The following CADPS variants were observed in gnomAD, a reference collection of about 807,000 sequenced individuals.
CADPS encodes calcium dependent secretion activator, also known as calcium-dependent secretion activator 1.
In CADPS, 57 loss-of-function variants were observed where a neutral mutation model predicts 167.3. That is an observed-to-expected ratio of 0.34 (90% CI 0.28 to 0.42). The LOEUF (loss-of-function observed/expected upper bound fraction) is 0.42, where lower values mean the gene tolerates loss of function less well. Ranked by LOEUF, CADPS falls within the 20% of genes least tolerant of loss-of-function variation. The pLI, the probability that CADPS is intolerant of heterozygous loss-of-function variation, is 1.00. For synonymous variants in CADPS, 676 were observed against 635.3 expected, an observed-to-expected ratio of 1.06 and a Z score of -0.96; for missense variants, 1,414 against 1,738.1, an observed-to-expected ratio of 0.81 and a Z score of 3.32.
At chr3:62,600,972 C>G (rs1239757527) in intron 6 of CADPS, among the ~76,000 whole-genome samples, 1 of 151,910 alleles carries the variant, frequency 6.6e-6, no homozygotes, top group African/African-American at 2.4e-5. Context: ...TAGAACTGAC[C>G]CAGAGGATGG....
chr3:62,584,612 T>G (rs889186199), intron 8 of CADPS, among the ~76,000 whole-genome samples: 1 of 152,266 alleles, frequency 6.6e-6, no homozygotes, highest in Non-Finnish European at 1.5e-5. Flanking sequence ...ATCACTGGTC[T>G]TATTTGGCAT....
intron 1 of CADPS, among the ~76,000 whole-genome samples, chr3:62,813,946 G>A (rs766944761): frequency 2.6e-5 from 4 of 152,086 alleles, no homozygotes; most frequent in African/African-American, 9.7e-5. Flanking sequence ...ACAAATGAAT[G>A]AATGAAATAT....
At chr3:62,726,557 A>T (rs937403468) in intron 3 of CADPS, among the ~76,000 whole-genome samples, 17 of 151,810 alleles carry the variant, frequency 1.1e-4, no homozygotes, top group Non-Finnish European at 2.4e-4. Flanking sequence ...GAGACATGGA[A>T]TTATCTCTAC....
intron 28 of CADPS, among the ~76,000 whole-genome samples, chr3:62,411,096 C>T (rs1361541029): frequency 1.3e-5 from 2 of 152,068 alleles, no homozygotes; most frequent in Non-Finnish European, 2.9e-5. Context: ...GAGCAAACCC[C>T]TGTCTCTGAA....
intron 9 of CADPS, among the ~76,000 whole-genome samples, chr3:62,566,425 T>TC (rs1270534581): frequency 3.2e-5 from 1 of 30,820 alleles, no homozygotes; most frequent in Non-Finnish European, 2.8e-4. Flanking sequence ...ATCCTTTCCT[T>TC]CAGCAACCTG....
At chr3:62,774,573 C>G (rs192729089) in intron 1 of CADPS, among the ~76,000 whole-genome samples, 2 of 152,222 alleles carry the variant, frequency 1.3e-5, no homozygotes, top group Admixed American at 1.3e-4. Flanking sequence ...TATAGTGATA[C>G]TAAAACTGAG....
At chr3:62,733,247 A>G (rs2078286636) in intron 3 of CADPS, among the ~76,000 whole-genome samples, 1 of 152,236 alleles carries the variant, frequency 6.6e-6, no homozygotes, top group Non-Finnish European at 1.5e-5. Context: ...GATTGAAATG[A>G]TACCTCATGA....
At chr3:62,566,924 C>T (rs2080330684) in intron 9 of CADPS, among the ~76,000 whole-genome samples, 2 of 152,110 alleles carry the variant, frequency 1.3e-5, no homozygotes, top group Admixed American at 6.5e-5. Flanking sequence ...TCCTGCCTTT[C>T]TAGGAAAGAT....
intron 1 of CADPS, among the ~76,000 whole-genome samples, chr3:62,870,724 A>G (rs1246789445): frequency 4.6e-5 from 7 of 152,184 alleles, no homozygotes; most frequent in African/African-American, 1.7e-4. Flanking sequence ...CTATTAGAAT[A>G]ATTCCTACAT....
Position 62,662,506 on chromosome 3 carries a change from TA to T in CADPS, c.889-113del, listed in dbSNP as rs5849492. The stretch of plus-strand genomic sequence containing the variant: ...CTGTGCTCCATGGACATATTTCAGT[TA>T]AAAAAAAATTCTTATAACCGACAAA... On this transcript the variant is annotated intron_variant, in intron 3 of 29. Coordinates refer to ENST00000383710, the MANE Select transcript of CADPS (RefSeq NM_003716.4). 2.7e-3 allele frequency: 2,286 copies of T among 842,674 alleles called. 6 individuals carry two copies. Among genetic ancestry groups the T allele is most frequent in the South Asian group, 3.8e-3 (245 of 63,940 alleles). The allele number at this position is 842,674 out of a possible 1,614,324, so 52.2% of individuals were successfully genotyped here. A position where few individuals can be genotyped will look rare whatever the true frequency, so the allele number is the denominator to read the frequency against.
chr3:62,770,813 C>G (rs1027508574), intron 1 of CADPS, among the ~76,000 whole-genome samples: 3 of 152,186 alleles, frequency 2.0e-5, no homozygotes, highest in African/African-American at 7.2e-5. Flanking sequence ...CCAGAAGCTC[C>G]TGGATATTCC....
At chr3:62,780,573 T>C (rs2091379376) in intron 1 of CADPS, among the ~76,000 whole-genome samples, 1 of 152,210 alleles carries the variant, frequency 6.6e-6, no homozygotes. Flanking sequence ...TTTTTTCTAC[T>C]GATTAGGTCC....
chr3:62,457,737 A>G (rs1259642634), intron 26 of CADPS, among the ~76,000 whole-genome samples: 1 of 152,372 alleles, frequency 6.6e-6, no homozygotes. Context: ...CATATACACT[A>G]TAGAATACTA....
intron 6 of CADPS, among the ~76,000 whole-genome samples, chr3:62,640,148 G>A (rs990154357): frequency 6.6e-6 from 1 of 152,196 alleles, no homozygotes; most frequent in Non-Finnish European, 1.5e-5. Context: ...AGGAATGCAA[G>A]TATCTACCCT....
rs138171247 is a variant in CADPS, at chr3:62,594,783, C to A, written c.1326-2035G>T. On this transcript the variant is annotated intron_variant, in intron 6 of 29. Transcript: ENST00000383710. The stretch of plus-strand genomic sequence containing the variant: ...TAGAGATCTTACACTGTTGCAGGAG[C>A]TGTGTTCCTCAATGCACACTTTCAA... Among the ~76,000 whole-genome samples, 19 of 152,318 alleles carry A rather than the reference C, an allele frequency of 1.2e-4. No homozygotes were observed. The East Asian group carries it at 3.7e-3, about 29-fold the overall frequency.
chr3:62,523,186 TTTTC>T (rs2071165246), intron 13 of CADPS, among the ~76,000 whole-genome samples: 1 of 152,014 alleles, frequency 6.6e-6, no homozygotes, highest in African/African-American at 2.4e-5. Flanking sequence ...AGAGTTGCAT[TTTTC>T]TTTTTTTTTG....
chr3:62,669,893 T>A (rs1026504342), intron 3 of CADPS, among the ~76,000 whole-genome samples: 3 of 152,220 alleles, frequency 2.0e-5, no homozygotes, highest in African/African-American at 7.2e-5. Flanking sequence ...AAGTTCTGAT[T>A]CTGCAGCACT....
chr3:62,626,622 G>A (rs1187197919), intron 6 of CADPS: 11 of 698,724 alleles, frequency 1.6e-5, no homozygotes, highest in Middle Eastern at 2.3e-4. Context: ...AATTTGCTAA[G>A]CCTTTTTTGT....
intron 1 of CADPS, chr3:62,779,674 C>T (rs950864548): frequency 4.5e-5 from 23 of 513,338 alleles, no homozygotes; most frequent in East Asian, 1.6e-4. Flanking sequence ...CAAGGTCCAC[C>T]GACCAAAGCC....
Sources: gnomAD v4.1 joint callset for allele counts (sites outside exome capture counted in the v4.1 genomes callset) on GRCh38, gnomAD v4.1.1 for gene constraint, MANE v1.5 for transcripts, NCBI Gene and HGNC (gene_info 2026-07-23, HGNC 2026-07-21) for gene names.